Variants in MASP1 observed in about 807,000 individuals in gnomAD.
The protein encoded by MASP1 is MBL associated serine protease 1, also known as mannan-binding lectin serine protease 1.
A neutral mutation model predicts 77.1 loss-of-function variants in MASP1; 59 were observed. That is an observed-to-expected ratio of 0.77 (90% CI 0.62 to 0.95). The LOEUF (loss-of-function observed/expected upper bound fraction) is 0.95. MASP1 is among the 40% of genes least tolerant of loss of function. The probability of loss-of-function intolerance (pLI) is 0.00; values close to 1 mark genes in which losing one functional copy is unlikely to be tolerated. For synonymous variants in MASP1, 362 were observed against 354.5 expected, an observed-to-expected ratio of 1.02 and a Z score of -0.24; for missense variants, 885 against 912.9, an observed-to-expected ratio of 0.97 and a Z score of 0.39.
At chr3:187,232,226 TCC>T (rs113770534), downstream of MASP1, among the ~76,000 whole-genome samples, 4,042 of 148,836 alleles carry the variant, frequency 0.027, 103 homozygotes, top group African/African-American at 0.06. Context: ...TCTGATCCCT[TCC>T]CCCCCCCCCC....
rs1341692273 is a variant in MASP1, at chr3:187,234,228, G to A, written c.*1456C>T. 2.6e-5 allele frequency: 33 copies of A among 1,287,118 alleles called. No homozygotes were observed. Among genetic ancestry groups the A allele is most frequent in the Non-Finnish European group, 3.1e-5 (31 of 988,706 alleles). The allele number at this position is 1,287,118 out of a possible 1,614,324, so 79.7% of individuals were successfully genotyped here. A position where few individuals can be genotyped will look rare whatever the true frequency, so the allele number is the denominator to read the frequency against. On this transcript the variant is annotated 3_prime_UTR_variant, in exon 11 of 11. Transcript: ENST00000296280. ...ATGTGCCATTCATAGACAAAGGAGT[G>A]TGTTTGATGAGCCGGTTGAGAAAGT...
chr3:187,278,015 A>G lies in MASP1; in HGVS notation c.237+7810T>C, dbSNP rs1717099616. ...TCTGGTGATACCAGGCAGACACTTT[A>G]TTACTCATACCATTGCCTTCATTAC... On this transcript the variant is annotated intron_variant, in intron 2 of 10. Transcript: ENST00000296280. Among the ~76,000 whole-genome samples, 2 of 152,316 alleles carry G rather than the reference A, an allele frequency of 1.3e-5. 1 individual carries two copies. The highest frequency in any genetic ancestry group is 4.8e-5 in the African/African-American group (2 of 41,574).
At chr3:187,288,614 C>G (rs72549152) in intron 1 of MASP1, among the ~76,000 whole-genome samples, 1,623 of 152,308 alleles carry the variant, frequency 0.011, 27 homozygotes, top group East Asian at 0.031. Flanking sequence ...TATAATTATT[C>G]CATCCTGCCA....
downstream of MASP1, among the ~76,000 whole-genome samples, chr3:187,230,712 C>T (rs1712715776): frequency 6.6e-6 from 1 of 152,176 alleles, no homozygotes; most frequent in Non-Finnish European, 1.5e-5. Context: ...ACTGAATAGC[C>T]CTCGGAGACC....
chr3:187,271,508 A>C (rs1470404803), intron 2 of MASP1, among the ~76,000 whole-genome samples: 1 of 152,248 alleles, frequency 6.6e-6, no homozygotes, highest in Non-Finnish European at 1.5e-5. Flanking sequence ...AAATATTCTT[A>C]GGAGGCAATA....
chr3:187,235,188 C>G lies in MASP1; in HGVS notation c.*496G>C. 1 of 1,288,024 alleles carries G rather than the reference C, an allele frequency of 7.8e-7. No individual in the cohort carries two copies. Among genetic ancestry groups the G allele is most frequent in the South Asian group, 1.2e-5 (1 of 80,932 alleles). The allele number at this position is 1,288,024 out of a possible 1,614,324, so 79.8% of individuals were successfully genotyped here. On this transcript the variant is annotated 3_prime_UTR_variant, in exon 11 of 11. Transcript: ENST00000296280. ...CTCCCAAAACCTGAATGCTCTTCTCCTAGAGGAAGGATTAGGCCAAGGCTA... is the reference window on the plus strand; with the variant it reads ...CTCCCAAAACCTGAATGCTCTTCTCGTAGAGGAAGGATTAGGCCAAGGCTA...
intron 13 of MASP1, among the ~76,000 whole-genome samples, chr3:187,225,140 T>C (rs2108502098): frequency 6.6e-6 from 1 of 152,368 alleles, no homozygotes; most frequent in East Asian, 1.9e-4. Flanking sequence ...CTGTTTACTA[T>C]GTGCTTCCCA....
intron 8 of MASP1, among the ~76,000 whole-genome samples, chr3:187,248,708 G>A (rs773126493): frequency 5.9e-5 from 9 of 152,072 alleles, no homozygotes; most frequent in South Asian, 2.1e-4. Flanking sequence ...TTTTCCGTCC[G>A]ACTTCCCTAT....
chr3:187,226,395 T>C (rs1042810643), intron 12 of MASP1: 37 of 1,587,154 alleles, frequency 2.3e-5, no homozygotes, highest in Non-Finnish European at 2.9e-5. Flanking sequence ...AGCTTGCCCC[T>C]CACTCACTCA....
At chr3:187,231,301 T>A (rs1403380649), downstream of MASP1, among the ~76,000 whole-genome samples, 1 of 152,210 alleles carries the variant, frequency 6.6e-6, no homozygotes, top group Non-Finnish European at 1.5e-5. Flanking sequence ...ATTCTATGCC[T>A]CCAAAACACA....
intron 14 of MASP1, among the ~76,000 whole-genome samples, chr3:187,222,285 A>C (rs190617635): frequency 6.6e-6 from 1 of 152,114 alleles, no homozygotes; most frequent in Non-Finnish European, 1.5e-5. Context: ...CTTTCTGTCC[A>C]TTCCACTTGA....
intron 2 of MASP1, among the ~76,000 whole-genome samples, chr3:187,279,457 T>C (rs996095084): frequency 1.7e-4 from 12 of 71,026 alleles, no homozygotes; most frequent in Non-Finnish European, 2.9e-4. Context: ...TCATAATTCT[T>C]TCTTTTTTTT....
chr3:187,260,971 G>A (rs1287362021), intron 3 of MASP1, 99 bp from the exon 4 acceptor site: 14 of 1,326,036 alleles, frequency 1.1e-5, no homozygotes, highest in Middle Eastern at 3.6e-4. Context: ...CACTATGTTA[G>A]GAGATTCATG....
In MASP1 at chr3:187,251,631, C is replaced by T. The variant is rs1293809821; in HGVS notation, c.1011+3G>A. On this transcript the variant is annotated splice_donor_region_variant and intron_variant, in intron 7 of 10. Coordinates refer to ENST00000296280, the MANE Select transcript of MASP1 (RefSeq NM_139125.4). ...CTCCCCTTTCCCAGGCAAGGCTCTG[C>T]ACCTTCAGCACTTTGTAGCCTGTGT... The T allele has an allele frequency of 2.5e-6, 4 of 1,613,122 alleles. No homozygotes were observed. Among genetic ancestry groups the T allele is most frequent in the Admixed American group, 1.7e-5 (1 of 60,002 alleles).
In MASP1 at chr3:187,241,450, T is replaced by C. The variant is rs113751173; in HGVS notation, c.1303+31A>G. On this transcript the variant is annotated intron_variant, in intron 10 of 10. Coordinates refer to ENST00000296280, the MANE Select transcript of MASP1 (RefSeq NM_139125.4). Reference sequence around the variant, plus strand: ...GGTCCTAGGGCCTTGGATGGAAAACTGTGAGGCAAAGGATTTGGAGGGTGA... The same window carrying C: ...GGTCCTAGGGCCTTGGATGGAAAACCGTGAGGCAAAGGATTTGGAGGGTGA... 3.4e-4 allele frequency: 544 copies of C among 1,595,698 alleles called. 2 individuals are homozygous for C. In the Middle Eastern group the frequency reaches 0.011, roughly 32 times the overall value.
chr3:187,247,353 A>T, intron 8 of MASP1: 1 of 1,613,954 alleles, frequency 6.2e-7, no homozygotes, highest in Non-Finnish European at 8.5e-7. Context: ...ACTTGCTCTG[A>T]CTTGAGTTCG....
At chr3:187,283,356 T>C (rs891722453) in intron 2 of MASP1, among the ~76,000 whole-genome samples, 2 of 152,262 alleles carry the variant, frequency 1.3e-5, no homozygotes, top group Non-Finnish European at 2.9e-5. Flanking sequence ...TGCTGCTTTA[T>C]GTCAGCTGCT....
intron 8 of MASP1, 53 bp from the exon 9 acceptor site, chr3:187,243,674 G>A (rs1713846043): frequency 1.9e-6 from 3 of 1,605,340 alleles, no homozygotes; most frequent in Non-Finnish European, 2.6e-6. Flanking sequence ...TCCTCCTTTG[G>A]CTATCTGATG....
At chr3:187,233,225 C>T (rs1249422193), downstream of MASP1, among the ~76,000 whole-genome samples, 1 of 152,194 alleles carries the variant, frequency 6.6e-6, no homozygotes, top group Non-Finnish European at 1.5e-5. Context: ...GGGTGAGACC[C>T]AGCCATCTGC....
Sources: gnomAD v4.1 joint callset for allele counts (sites outside exome capture counted in the v4.1 genomes callset) on GRCh38, gnomAD v4.1.1 for gene constraint, MANE v1.5 for transcripts, NCBI Gene and HGNC (gene_info 2026-07-23, HGNC 2026-07-21) for gene names.